Variants in CTNNA2 observed in about 807,000 individuals in gnomAD.
CTNNA2 encodes catenin alpha-2.
A neutral mutation model predicts 101.0 loss-of-function variants in CTNNA2; 42 were observed. The observed-to-expected ratio is 0.42, with a 90% CI of 0.32 to 0.54. The LOEUF (loss-of-function observed/expected upper bound fraction) is 0.54. Ranked by LOEUF, CTNNA2 falls within the 20% of genes least tolerant of loss-of-function variation. The pLI, the probability that CTNNA2 is intolerant of heterozygous loss-of-function variation, is 0.14. For missense variants in CTNNA2, 871 were observed against 1,223.1 expected (o/e 0.71, Z 4.29); for synonymous variants, 450 against 456.4 (o/e 0.99, Z 0.18).
In CTNNA2 at chr2:80,348,767, A is replaced by T. The variant is rs1212582036; in HGVS notation, c.1057-44444A>T. Among the ~76,000 whole-genome samples the T allele has an allele frequency of 2.6e-5, 4 of 151,832 alleles. No homozygotes were observed. The East Asian group carries it at 7.8e-4, about 30-fold the overall frequency. On this transcript the variant is annotated intron_variant, in intron 7 of 18. Coordinates refer to ENST00000402739, the MANE Select transcript of CTNNA2 (RefSeq NM_001282597.3). ...CTTAGGTTCTGATTTAAATAACAAC[A>T]AACAAGCAGAGAAGTTAGGGGAATT... is the stretch of plus-strand genomic sequence containing the variant.
chr2:79,710,239 A>T (rs1302371396), intron 2 of CTNNA2, among the ~76,000 whole-genome samples: 6 of 152,144 alleles, frequency 3.9e-5, no homozygotes, highest in Admixed American at 1.3e-4. Context: ...CAGTTGCCTT[A>T]TCATATGAAG....
chr2:80,378,780 A>G (rs1452733857), intron 7 of CTNNA2: 5 of 152,188 alleles, frequency 3.3e-5, no homozygotes, highest in Admixed American at 6.5e-5. Context: ...AGCTACAGCC[A>G]GGTATCTGAC....
At chr2:79,232,873 A>AT (rs1674513867) in intron 2 of CTNNA2, among the ~76,000 whole-genome samples, 1 of 152,058 alleles carries the variant, frequency 6.6e-6, no homozygotes, top group East Asian at 1.9e-4. Context: ...TTTGCATGGA[A>AT]TTGGTTGTAA....
chr2:80,523,806 C>T (rs1391146135), intron 9 of CTNNA2, among the ~76,000 whole-genome samples: 2 of 152,104 alleles, frequency 1.3e-5, no homozygotes, highest in Non-Finnish European at 2.9e-5. Context: ...CAGAGGACAA[C>T]GTTTTAATAT....
chr2:79,707,889 C>G (rs78590604), intron 2 of CTNNA2, among the ~76,000 whole-genome samples: 66 of 152,284 alleles, frequency 4.3e-4, no homozygotes, highest in African/African-American at 1.6e-3. Flanking sequence ...TGACACTGAA[C>G]TCTAGATACC....
intron 1 of CTNNA2, among the ~76,000 whole-genome samples, chr2:79,548,830 C>T (rs1443873341): frequency 6.6e-6 from 1 of 152,172 alleles, no homozygotes; most frequent in Non-Finnish European, 1.5e-5. Context: ...AGTGCCTGCT[C>T]CTCTTTACCT....
chr2:79,784,759 A>AATAT (rs141251255), intron 3 of CTNNA2, among the ~76,000 whole-genome samples: 18 of 149,112 alleles, frequency 1.2e-4, no homozygotes, highest in Non-Finnish European at 7.5e-5. Context: ...CAGAGAATGA[A>AATAT]ATATATATAT....
At chr2:80,495,726 G>T (rs1687400367) in intron 9 of CTNNA2, among the ~76,000 whole-genome samples, 1 of 152,042 alleles carries the variant, frequency 6.6e-6, no homozygotes, top group Admixed American at 6.6e-5. Flanking sequence ...ATTACCTGAG[G>T]TCAGGAGTTC....
At chr2:79,611,398 G>A (rs1413757688) in intron 1 of CTNNA2, among the ~76,000 whole-genome samples, 1 of 152,096 alleles carries the variant, frequency 6.6e-6, no homozygotes, top group Non-Finnish European at 1.5e-5. Context: ...TGCAAGGAAG[G>A]TTCTCTGTTC....
chr2:79,659,359 T>C (rs1219002080), intron 2 of CTNNA2, among the ~76,000 whole-genome samples: 1 of 152,070 alleles, frequency 6.6e-6, no homozygotes, highest in Non-Finnish European at 1.5e-5. Flanking sequence ...GAGAATATCA[T>C]TATTGAGAGT....
intron 9 of CTNNA2, among the ~76,000 whole-genome samples, chr2:80,478,340 A>C (rs1685887679): frequency 6.6e-6 from 1 of 152,050 alleles, no homozygotes; most frequent in South Asian, 2.1e-4. Context: ...CCCATTCTAT[A>C]GGTGGTCTTT....
At chr2:80,290,551 C>T (rs1051863226) in intron 7 of CTNNA2, among the ~76,000 whole-genome samples, 5 of 151,946 alleles carry the variant, frequency 3.3e-5, no homozygotes, top group African/African-American at 1.2e-4. Context: ...GTTTCCCAGC[C>T]ATTTTTTTTC....
chr2:80,151,648 CG>C (rs1229925184), intron 7 of CTNNA2, among the ~76,000 whole-genome samples: 1 of 152,150 alleles, frequency 6.6e-6, no homozygotes, highest in African/African-American at 2.4e-5. Flanking sequence ...TCCTTCTCAC[CG>C]TAAGCCCACA....
At chr2:79,705,313 C>T (rs941179696) in intron 2 of CTNNA2, among the ~76,000 whole-genome samples, 5 of 152,050 alleles carry the variant, frequency 3.3e-5, no homozygotes, top group African/African-American at 9.6e-5. Flanking sequence ...AAAGAGAGAG[C>T]GAGAAAGAGA....
intron 3 of CTNNA2, among the ~76,000 whole-genome samples, chr2:79,839,448 A>C (rs932693278): frequency 6.6e-6 from 1 of 152,068 alleles, no homozygotes; most frequent in South Asian, 2.1e-4. Flanking sequence ...GAATAAGAGA[A>C]TTTATTTTAT....
chr2:79,557,493 A>T (rs892728636), intron 1 of CTNNA2, among the ~76,000 whole-genome samples: 4 of 151,966 alleles, frequency 2.6e-5, no homozygotes, highest in African/African-American at 9.7e-5. Flanking sequence ...ACCTACACTT[A>T]TAATTTGCCT....
chr2:79,989,588 A>G (rs1574483767), intron 7 of CTNNA2, among the ~76,000 whole-genome samples: 1 of 152,182 alleles, frequency 6.6e-6, no homozygotes, highest in Non-Finnish European at 1.5e-5. Flanking sequence ...GTGTACCATG[A>G]TCACACCACT....
intron 2 of CTNNA2, among the ~76,000 whole-genome samples, chr2:79,656,997 T>G (rs1681656956): frequency 6.6e-6 from 1 of 151,712 alleles, no homozygotes; most frequent in Non-Finnish European, 1.5e-5. Context: ...AATTTTAGCT[T>G]TAGATAGCTT....
chr2:79,441,045 A>G (rs1678772333), intron 4 of CTNNA2, among the ~76,000 whole-genome samples: 1 of 152,228 alleles, frequency 6.6e-6, no homozygotes, highest in Admixed American at 6.5e-5. Context: ...TCTTAGAATC[A>G]TCTCAGGGAG....
Sources: gnomAD v4.1 joint callset for allele counts (sites outside exome capture counted in the v4.1 genomes callset) on GRCh38, gnomAD v4.1.1 for gene constraint, MANE v1.5 for transcripts, NCBI Gene and HGNC (gene_info 2026-07-23, HGNC 2026-07-21) for gene names.